MIDEAS: variants seen among roughly 807,000 people sequenced by gnomAD.
The protein encoded by MIDEAS is mitotic deacetylase associated SANT domain protein.
In MIDEAS, 26 loss-of-function variants were observed where a neutral mutation model predicts 102.7. That is an observed-to-expected ratio of 0.25 (90% CI 0.19 to 0.35). The LOEUF is 0.35. Ranked by LOEUF, MIDEAS falls within the 10% of genes least tolerant of loss-of-function variation. The pLI, the probability that MIDEAS is intolerant of heterozygous loss-of-function variation, is 1.00. For synonymous variants in MIDEAS, 585 were observed against 591.0 expected (o/e 0.99, Z 0.15); for missense variants, 1,231 against 1,435.6 (o/e 0.86, Z 2.30).
rs1161274136 is a variant in MIDEAS at position 73,716,889 on chromosome 14, G to A, written c.*1954C>T. 1 of 152,590 alleles carries A rather than the reference G, an allele frequency of 6.6e-6. No homozygotes were observed. Among genetic ancestry groups the A allele is most frequent in the African/African-American group, 2.4e-5 (1 of 41,432 alleles). 9.5% of individuals were successfully genotyped at this position (152,590 alleles called of 1,614,324 possible). Reference sequence around the variant, plus strand: ...CTGCGAAGGCACTCGTATTGTACAAGTAATTTCGAAGAGAGCCTAAATTTG... The same window carrying A: ...CTGCGAAGGCACTCGTATTGTACAAATAATTTCGAAGAGAGCCTAAATTTG... On this transcript the variant is annotated 3_prime_UTR_variant, in exon 13 of 13. Transcript: ENST00000423556.
chr14:73,731,873 A>G (rs953114791), intron 3 of MIDEAS, among the ~76,000 whole-genome samples: 2 of 152,256 alleles, frequency 1.3e-5, no homozygotes, highest in Non-Finnish European at 2.9e-5. Flanking sequence ...CATGAAAGAA[A>G]GTATCTGTAG....
chr14:73,760,722 C>T (rs560353718), upstream of MIDEAS, among the ~76,000 whole-genome samples: 2 of 152,170 alleles, frequency 1.3e-5, no homozygotes, highest in Non-Finnish European at 2.9e-5. This position sits in a 1 kb window ranked among gnomAD's most constrained non-coding sequence, Gnocchi z 4.8. Context: ...CTTTCTGGCT[C>T]AAAAGCGTCC....
intron 1 of MIDEAS, among the ~76,000 whole-genome samples, chr14:73,752,457 G>A (rs1667266705): frequency 6.6e-6 from 1 of 152,132 alleles, no homozygotes; most frequent in Admixed American, 6.5e-5. Context: ...GGCTGGAAAG[G>A]GCCAAGACCC....
At position 73,725,947 on chromosome 14, in the gene MIDEAS, G is replaced by A; in HGVS notation, c.2485+86C>T. 2.5e-6 allele frequency: 3 copies of A among 1,195,336 alleles called. No individual in the cohort carries two copies. Among genetic ancestry groups the A allele is most frequent in the Non-Finnish European group, 3.6e-6 (3 of 824,740 alleles). The allele number at this position is 1,195,336 out of a possible 1,614,324, so 74.0% of individuals were successfully genotyped here. Reference sequence around the variant, plus strand: ...CCTCCTCCTCCCGCCCCCACCCAGGGCTGTGACTCAGCACTGAGCAGGGCC... The same window carrying A: ...CCTCCTCCTCCCGCCCCCACCCAGGACTGTGACTCAGCACTGAGCAGGGCC... On this transcript the variant is annotated intron_variant, in intron 8 of 12. Transcript: ENST00000423556. The surrounding 1 kb of genome is among the most constrained non-coding windows in gnomAD (Gnocchi z 4.1).
chr14:73,763,670 C>T (rs1015167438), upstream of MIDEAS, among the ~76,000 whole-genome samples: 1 of 152,190 alleles, frequency 6.6e-6, no homozygotes, highest in African/African-American at 2.4e-5. Context: ...ACAATGCCAG[C>T]CAGGTCCCTA....
chr14:73,769,921 T>G (rs954198330), intron 1 of MIDEAS, among the ~76,000 whole-genome samples: 15 of 151,044 alleles, frequency 9.9e-5, no homozygotes, highest in African/African-American at 3.7e-4. Context: ...TTTGTTTTTT[T>G]TTTTTAATTT....
chr14:73,755,658 G>A (rs1012507534), intron 1 of MIDEAS, among the ~76,000 whole-genome samples: 1 of 152,232 alleles, frequency 6.6e-6, no homozygotes, highest in African/African-American at 2.4e-5. Context: ...CTCGGCTGCA[G>A]GGCCACAGTC....
chr14:73,781,220 T>C (rs1003344856), intron 1 of MIDEAS, among the ~76,000 whole-genome samples: 4 of 152,218 alleles, frequency 2.6e-5, no homozygotes, highest in African/African-American at 9.6e-5. Flanking sequence ...CTTTAAATCC[T>C]TAACCATGGG....
chr14:73,772,666 A>G (rs2053651968), intron 1 of MIDEAS, among the ~76,000 whole-genome samples: 1 of 152,188 alleles, frequency 6.6e-6, no homozygotes, highest in Non-Finnish European at 1.5e-5. Context: ...TAAAAAAATA[A>G]TAAATAGATA....
intron 1 of MIDEAS, among the ~76,000 whole-genome samples, chr14:73,777,801 C>T (rs767293220): frequency 6.6e-6 from 1 of 151,968 alleles, no homozygotes; most frequent in South Asian, 2.1e-4. Context: ...CTCTCCTGGC[C>T]GTGGTAGAAG....
chr14:73,726,651 G>T lies in MIDEAS; in HGVS notation c.2362C>A (p.Gln788Lys). ...TGCAGACAGTGCAGGGCCAGCTCCT[G>T]GTTGGTGCCAGCACCAGGGAAAATG... ...SSIFPGAGTN[Q>K]ELALHCLHES... Residue 788 changes from glutamine to lysine, a missense_variant, in exon 7 of 13, where the codon CAG becomes AAG. Transcript: ENST00000423556. The T allele has an allele frequency of 6.2e-7, 1 of 1,614,274 alleles. No individual in the cohort carries two copies. The highest frequency in any genetic ancestry group is 1.1e-5 in the South Asian group (1 of 91,090).
chr14:73,771,696 G>A (rs578041413), intron 1 of MIDEAS, among the ~76,000 whole-genome samples: 123 of 152,348 alleles, frequency 8.1e-4, no homozygotes, highest in Middle Eastern at 3.4e-3. Context: ...CAGATCTCAC[G>A]GCAAGACGTG....
rs1290425484 is a variant in MIDEAS at position 73,739,373 on chromosome 14, C to T, written c.636G>A (p.Leu212=). Residue 212 remains leucine, a synonymous_variant, in exon 2 of 13, where the codon CTG becomes CTA. Coordinates refer to ENST00000423556, the MANE Select transcript of MIDEAS (RefSeq NM_001367710.1). ...HAAKKPPNQS[L]PLQPFQLAFG... ...ATGCCAGCTGGAAGGGTTGCAGGGG[C>T]AGTGACTGGTTTGGGGGTTTCTTGG... 3.1e-6 allele frequency: 5 copies of T among 1,590,984 alleles called. No individual in the cohort carries two copies. In the East Asian group the frequency reaches 6.7e-5, roughly 21 times the overall value.
At chr14:73,736,147 A>G (rs1396160126) in intron 3 of MIDEAS, among the ~76,000 whole-genome samples, 4 of 152,114 alleles carry the variant, frequency 2.6e-5, no homozygotes, top group Non-Finnish European at 2.9e-5. Flanking sequence ...GCGAAACTCT[A>G]TCTCAAAAAA....
chr14:73,766,375 GA>G (rs1233836928), intron 1 of MIDEAS, among the ~76,000 whole-genome samples: 4 of 152,144 alleles, frequency 2.6e-5, no homozygotes, highest in African/African-American at 9.7e-5. Context: ...CAGTATATGT[GA>G]ATATTTAAAG....
At chr14:73,734,042 T>C (rs1386819293) in intron 3 of MIDEAS, among the ~76,000 whole-genome samples, 1 of 151,908 alleles carries the variant, frequency 6.6e-6, no homozygotes, top group Non-Finnish European at 1.5e-5. Flanking sequence ...TGGAGTGCAG[T>C]GGCATGATCT....
chr14:73,720,157 C>T (rs992889963), intron 11 of MIDEAS, among the ~76,000 whole-genome samples: 4 of 151,060 alleles, frequency 2.6e-5, no homozygotes, highest in South Asian at 2.1e-4. Context: ...TGCAGGTGGT[C>T]GAGGCTCAGA....
At position 73,742,115 on chromosome 14, in the gene MIDEAS, C is replaced by T. The variant is rs188147169; in HGVS notation, c.-247-1860G>A. On this transcript the variant is annotated intron_variant, in intron 1 of 12. Transcript: ENST00000423556. This position sits in a 1 kb window ranked among gnomAD's most constrained non-coding sequence, Gnocchi z 4.4. ...GCTGCAGGGTGGGACTGTCTGGCTC[C>T]GCCTCTCCGAGGGAACATCAAGCCC... 2.4e-4 allele frequency among the ~76,000 whole-genome samples: 37 copies of T among 152,358 alleles called. No individual in the cohort carries two copies. Among genetic ancestry groups the T allele is most frequent in the Admixed American group, 2.2e-3 (33 of 15,308 alleles).
At chr14:73,750,340 C>CA (rs1371601226) in intron 1 of MIDEAS, among the ~76,000 whole-genome samples, 1 of 152,186 alleles carries the variant, frequency 6.6e-6, no homozygotes, top group African/African-American at 2.4e-5. Flanking sequence ...AGGAATGCTA[C>CA]ACTTGAGAAC....
Sources: gnomAD v4.1 joint callset for allele counts (sites outside exome capture counted in the v4.1 genomes callset) on GRCh38, gnomAD v4.1.1 for gene constraint, Gnocchi (gnomAD v3.1) non-coding constraint, MANE v1.5 for transcripts, NCBI Gene and HGNC (gene_info 2026-07-23, HGNC 2026-07-21) for gene names.